TNFAIP2: variants seen among roughly 807,000 people sequenced by gnomAD.
The protein encoded by TNFAIP2 is tumor necrosis factor alpha-induced protein 2.
In TNFAIP2, 47 loss-of-function variants were observed where a neutral mutation model predicts 63.5. The ratio of observed to expected loss-of-function variants is 0.74; its 90% CI spans 0.59 to 0.94. The LOEUF (loss-of-function observed/expected upper bound fraction) is 0.94. Ranked by LOEUF, TNFAIP2 falls within the 40% of genes least tolerant of loss-of-function variation. The pLI, the probability that TNFAIP2 is intolerant of heterozygous loss-of-function variation, is 0.00. For missense variants in TNFAIP2, 787 were observed against 850.2 expected (o/e 0.93, Z 0.92); for synonymous variants, 405 against 390.2 (o/e 1.04, Z -0.45).
upstream of TNFAIP2, among the ~76,000 whole-genome samples, chr14:103,121,916 G>C (rs1239379037): frequency 6.6e-6 from 1 of 152,118 alleles, no homozygotes; most frequent in African/African-American, 2.4e-5. Context: ...ACAGAGTCTG[G>C]CAGGAGAGGC....
At position 103,136,066 on chromosome 14, in the gene TNFAIP2, A is replaced by G; in HGVS notation, c.*706A>G. Reference sequence around the variant, plus strand: ...GTGGTCCCCCGAGGGCTTGGTGTCTACTACCGAAGGGCCCAAGACCTCCTG... The same window carrying G: ...GTGGTCCCCCGAGGGCTTGGTGTCTGCTACCGAAGGGCCCAAGACCTCCTG... On this transcript the variant is annotated 3_prime_UTR_variant, in exon 12 of 12. Transcript: ENST00000560869. 1.6e-6 allele frequency: 2 copies of G among 1,222,466 alleles called. No individual in the cohort carries two copies. Among genetic ancestry groups the G allele is most frequent in the South Asian group, 1.4e-5 (1 of 71,770 alleles). The allele number at this position is 1,222,466 out of a possible 1,614,324, so 75.7% of individuals were successfully genotyped here.
chr14:103,130,144 G>T lies in TNFAIP2; in HGVS notation c.1098+20G>T. 6.2e-7 allele frequency: 1 copy of T among 1,609,576 alleles called. No homozygotes were observed. ...ATCCAGGTACTGCAATCTGCCCCAG[G>T]GCACACGTACCGCCCGTGCACGTGC... On this transcript the variant is annotated intron_variant, in intron 5 of 11. Coordinates refer to ENST00000560869, the MANE Select transcript of TNFAIP2 (RefSeq NM_006291.4).
chr14:103,125,238 C>T (rs910667515), intron 1 of TNFAIP2, among the ~76,000 whole-genome samples: 1 of 152,252 alleles, frequency 6.6e-6, no homozygotes. Context: ...GGCCCAGCCC[C>T]TGCCTGCTTC....
chr14:103,135,800 C>T lies in TNFAIP2; in HGVS notation c.*440C>T. ...CAGGGGCCGAGCCTCACCCATCTGC[C>T]CTCTGCAGCCCAGGGCCGCCGTGAG... On this transcript the variant is annotated 3_prime_UTR_variant, in exon 12 of 12. Coordinates refer to ENST00000560869, the MANE Select transcript of TNFAIP2 (RefSeq NM_006291.4). The surrounding 1 kb of genome is among the most constrained non-coding windows in gnomAD (Gnocchi z 7.6). 2 of 1,294,538 alleles carry T rather than the reference C, an allele frequency of 1.5e-6. No homozygotes were observed. The highest frequency in any genetic ancestry group is 2.0e-6 in the Non-Finnish European group (2 of 992,654). The allele number at this position is 1,294,538 out of a possible 1,614,324, so 80.2% of individuals were successfully genotyped here. A position where few individuals can be genotyped will look rare whatever the true frequency, so the allele number is the denominator to read the frequency against.
In TNFAIP2 at chr14:103,136,221, C is replaced by G. The variant is rs370106065; in HGVS notation, c.*861C>G. 5 of 291,466 alleles carry G rather than the reference C, an allele frequency of 1.7e-5. No individual in the cohort carries two copies. Among genetic ancestry groups the G allele is most frequent in the East Asian group, 2.0e-4 (2 of 9,850 alleles). The allele number at this position is 291,466 out of a possible 1,614,324, so 18.1% of individuals were successfully genotyped here. ...CAAGCTTGACCTCTCACTGTTGACCCTTTGGCCTCTGTATTTGTTTCCTAT... is the reference window on the plus strand; with the variant it reads ...CAAGCTTGACCTCTCACTGTTGACCGTTTGGCCTCTGTATTTGTTTCCTAT... On this transcript the variant is annotated 3_prime_UTR_variant, in exon 12 of 12. Transcript: ENST00000560869.
At chr14:103,122,409 G>C (rs1283806919), upstream of TNFAIP2, among the ~76,000 whole-genome samples, 1 of 152,184 alleles carries the variant, frequency 6.6e-6, no homozygotes, top group East Asian at 1.9e-4. Flanking sequence ...ACAAAAGAGG[G>C]GAGGAGCAGA....
intron 10 of TNFAIP2, 60 bp from the exon 11 acceptor site, chr14:103,133,622 C>G: frequency 1.3e-6 from 2 of 1,554,578 alleles, no homozygotes; most frequent in Non-Finnish European, 1.7e-6. Context: ...CTAAGCCCAA[C>G]GAGTCGCTGA....
In TNFAIP2 at chr14:103,127,102, C is replaced by A. The variant is rs1390486861; in HGVS notation, c.333C>A (p.Gly111=). 2 of 1,099,514 alleles carry A rather than the reference C, an allele frequency of 1.8e-6. No individual in the cohort carries two copies. Among genetic ancestry groups the A allele is most frequent in the East Asian group, 1.1e-4 (2 of 18,436 alleles). The allele number at this position is 1,099,514 out of a possible 1,614,324, so 68.1% of individuals were successfully genotyped here. ...AGCTGGCGGCGGCGGCGGCGGCGGG[C>A]GGTGTGAGCGAGGAGGAGCTGGTGC... ...ERELAAAAAA[G]GVSEEELVRR... is the part of the protein sequence containing the mutation. The change falls in exon 3 of 12, where the codon GGC becomes GGA. Residue 111 remains glycine (G), a synonymous_variant. Coordinates refer to ENST00000560869, the MANE Select transcript of TNFAIP2 (RefSeq NM_006291.4). The surrounding 1 kb of genome is among the most constrained non-coding windows in gnomAD (Gnocchi z 5.1).
In TNFAIP2 at chr14:103,135,159, G is replaced by A; in HGVS notation, c.1824-60G>A. The A allele has an allele frequency of 6.2e-7, 1 of 1,609,632 alleles. No individual in the cohort carries two copies. Among genetic ancestry groups the A allele is most frequent in the South Asian group, 1.1e-5 (1 of 90,988 alleles). ...CCTGTGGCACTGGCCGGGAGTGCAGGGAGCTGGTGAGTAGGGGTGTGGGTG... is the reference window on the plus strand; with the variant it reads ...CCTGTGGCACTGGCCGGGAGTGCAGAGAGCTGGTGAGTAGGGGTGTGGGTG... On this transcript the variant is annotated intron_variant, in intron 11 of 11. Coordinates refer to ENST00000560869, the MANE Select transcript of TNFAIP2 (RefSeq NM_006291.4). This position sits in a 1 kb window ranked among gnomAD's most constrained non-coding sequence, Gnocchi z 7.6.
intron 8 of TNFAIP2, 101 bp from the exon 9 acceptor site, chr14:103,132,649 A>G (rs2088000329): frequency 4.0e-6 from 6 of 1,511,050 alleles, no homozygotes; most frequent in Non-Finnish European, 5.3e-6. Flanking sequence ...TCCACCAGGC[A>G]CATGTGTCGG....
intron 8 of TNFAIP2, 158 bp from the exon 9 acceptor site, chr14:103,132,592 T>G: frequency 1.9e-6 from 2 of 1,056,536 alleles, no homozygotes; most frequent in Non-Finnish European, 2.8e-6. Context: ...AGCAGGGACC[T>G]GAGGTTGGCC....
rs963067918 is a variant in TNFAIP2 at position 103,135,650 on chromosome 14, C to G, written c.*290C>G. 2.9e-5 allele frequency: 37 copies of G among 1,291,174 alleles called. No individual in the cohort carries two copies. The highest frequency in any genetic ancestry group is 3.3e-5 in the Non-Finnish European group (33 of 1,008,890). 80.0% of individuals were successfully genotyped at this position (1,291,174 alleles called of 1,614,324 possible). On this transcript the variant is annotated 3_prime_UTR_variant, in exon 12 of 12. Transcript: ENST00000560869. This position sits in a 1 kb window ranked among gnomAD's most constrained non-coding sequence, Gnocchi z 7.6. ...GATCGTGTGCACGCAAGGAAAGAACCAGGAGGGAGAGTGCAGCCAGGCTCA... is the reference window on the plus strand; with the variant it reads ...GATCGTGTGCACGCAAGGAAAGAACGAGGAGGGAGAGTGCAGCCAGGCTCA...
intron 8 of TNFAIP2, 24 bp from the exon 9 acceptor site, chr14:103,132,726 G>T: frequency 6.2e-7 from 1 of 1,607,682 alleles, no homozygotes; most frequent in South Asian, 1.1e-5. Flanking sequence ...GGCGTGACTA[G>T]ACATCCTGCC....
In TNFAIP2 at chr14:103,131,573, G is replaced by A; in HGVS notation, c.1299-66G>A. ...CTAGAGTGAAGAGAGGGGGCTGTCT[G>A]GCTCCCTGGGTATGGGGCTATAGGC... On this transcript the variant is annotated intron_variant, in intron 7 of 11. Transcript: ENST00000560869. This position sits in a 1 kb window ranked among gnomAD's most constrained non-coding sequence, Gnocchi z 4.0. 6.6e-7 allele frequency: 1 copy of A among 1,508,562 alleles called. No homozygotes were observed. Among genetic ancestry groups the A allele is most frequent in the East Asian group, 2.4e-5 (1 of 41,262 alleles). The allele number at this position is 1,508,562 out of a possible 1,614,324, so 93.4% of individuals were successfully genotyped here.
chr14:103,133,188 ACG>A lies in TNFAIP2; in HGVS notation c.1546-172_1546-171del, dbSNP rs1281541347. ...TGAACGCATGCACATGTGAACACAC[ACG>A]CATGTGAACGCATGAGCATGTGAAC... On this transcript the variant is annotated intron_variant, in intron 9 of 11. Transcript: ENST00000560869. 1.8e-3 allele frequency among the ~76,000 whole-genome samples: 267 copies of A among 151,684 alleles called. 2 individuals carry two copies. Among genetic ancestry groups the A allele is most frequent in the African/African-American group, 5.9e-3 (244 of 41,126 alleles).
intron 1 of TNFAIP2, chr14:103,124,377 GC>G (rs1443863280): frequency 6.6e-6 from 1 of 152,400 alleles, no homozygotes; most frequent in Non-Finnish European, 1.5e-5. Flanking sequence ...GGCACCAGCT[GC>G]CTCGGAGAGC....
intron 1 of TNFAIP2, among the ~76,000 whole-genome samples, chr14:103,124,837 C>T (rs2087820987): frequency 6.6e-6 from 1 of 152,232 alleles, no homozygotes; most frequent in South Asian, 2.1e-4. Context: ...AGGCCAGTGC[C>T]ATCCAGGAGT....
upstream of TNFAIP2, chr14:103,123,114 A>G (rs2087779381): frequency 4.0e-6 from 1 of 251,288 alleles, no homozygotes; most frequent in Non-Finnish European, 8.3e-6. Context: ...AACGCGGCCA[A>G]GCGCGCCCCA....
chr14:103,127,395 G>T lies in TNFAIP2; in HGVS notation c.626G>T (p.Gly209Val). The part of the protein sequence containing the change: ...EERMGQRPAA[G>V]AEVPESVFLH... ...CGCATGGGCCAGCGGCCGGCCGCGG[G>T]CGCCGAGGTCCCCGAGAGCGTCTTT... Residue 209 changes from glycine to valine, a missense_variant, in exon 3 of 12, where the codon GGC (glycine) becomes GTC (valine). Transcript: ENST00000560869. This position sits in a 1 kb window ranked among gnomAD's most constrained non-coding sequence, Gnocchi z 5.1. 3 of 1,541,928 alleles carry T rather than the reference G, an allele frequency of 1.9e-6. No individual in the cohort carries two copies. Among genetic ancestry groups the T allele is most frequent in the South Asian group, 1.2e-5 (1 of 84,944 alleles).
Sources: gnomAD v4.1 joint callset for allele counts (sites outside exome capture counted in the v4.1 genomes callset) on GRCh38, gnomAD v4.1.1 for gene constraint, Gnocchi (gnomAD v3.1) non-coding constraint, MANE v1.5 for transcripts, NCBI Gene and HGNC (gene_info 2026-07-23, HGNC 2026-07-21) for gene names.